Variants in TRIM2 observed in about 807,000 individuals in gnomAD.
TRIM2 encodes tripartite motif-containing protein 2.
A neutral mutation model predicts 75.2 loss-of-function variants in TRIM2; 20 were observed. The observed-to-expected ratio is 0.27, with a 90% CI of 0.19 to 0.39. The LOEUF (loss-of-function observed/expected upper bound fraction) is 0.39, where lower values mean the gene tolerates loss of function less well. Among genes scored for constraint, TRIM2 ranks in the 10% least tolerant of loss-of-function variants. The pLI is 1.00. For synonymous variants in TRIM2, 373 were observed against 388.3 expected (o/e 0.96, Z 0.46); for missense variants, 660 against 990.8 (o/e 0.67, Z 4.48).
chr4:153,315,416 T>A, intron 6 of TRIM2, 69 bp from the exon 7 acceptor site: 1 of 1,280,864 alleles, frequency 7.8e-7, no homozygotes, highest in East Asian at 2.4e-5. Context: ...ATCTGAATTA[T>A]TCTCTTGCTG....
At chr4:153,157,524 C>G (rs1251645232) in intron 1 of TRIM2, among the ~76,000 whole-genome samples, 2 of 152,192 alleles carry the variant, frequency 1.3e-5, no homozygotes, top group African/African-American at 4.8e-5. Flanking sequence ...CTTGGAGGAG[C>G]AGAAGCCACA....
At position 153,315,814 on chromosome 4, in the gene TRIM2, A is replaced by AGG; in HGVS notation, c.1615-18_1615-17insGG. On this transcript the variant is annotated splice_polypyrimidine_tract_variant and intron_variant, in intron 7 of 11. Coordinates refer to ENST00000338700, the MANE Select transcript of TRIM2 (RefSeq NM_015271.5). Reference sequence around the variant, plus strand: ...CCTGTACTAGTTCACATTCCAATGAATGTAATTTATCTTACAGATATTTTC... The same window carrying AGG: ...CCTGTACTAGTTCACATTCCAATGAAGGTGTAATTTATCTTACAGATATTTTC... 1 of 1,614,086 alleles carries AGG rather than the reference A, an allele frequency of 6.2e-7. No homozygotes were observed. The highest frequency in any genetic ancestry group is 8.5e-7 in the Non-Finnish European group (1 of 1,179,952).
chr4:153,185,169 G>A (rs1732470816), intron 1 of TRIM2, among the ~76,000 whole-genome samples: 1 of 152,178 alleles, frequency 6.6e-6, no homozygotes, highest in Admixed American at 6.5e-5. Context: ...AAATGAGTGA[G>A]TGAATGAATG....
chr4:153,313,987 T>C (rs1452103649), intron 6 of TRIM2, among the ~76,000 whole-genome samples: 1 of 152,114 alleles, frequency 6.6e-6, no homozygotes, highest in Non-Finnish European at 1.5e-5. Flanking sequence ...AGAATGGTTC[T>C]CTCTCTCTAT....
intron 6 of TRIM2, among the ~76,000 whole-genome samples, chr4:153,303,083 A>G (rs1431740926): frequency 1.3e-5 from 2 of 152,228 alleles, no homozygotes; most frequent in Admixed American, 6.5e-5. Flanking sequence ...ATGCTAGGCA[A>G]TATCAAACAG....
chr4:153,308,236 C>A (rs1235761841), intron 6 of TRIM2: 1 of 1,528,136 alleles, frequency 6.5e-7, no homozygotes, highest in Admixed American at 1.7e-5. Context: ...GCTCTTCTAC[C>A]CTTTGCCAGG....
At chr4:153,225,090 G>A (rs531936557) in intron 1 of TRIM2, among the ~76,000 whole-genome samples, 73 of 152,282 alleles carry the variant, frequency 4.8e-4, no homozygotes, top group South Asian at 1.7e-3. Context: ...ATAACTCAAC[G>A]GGGTAATATA....
At chr4:153,164,389 T>C (rs1457632298) in intron 1 of TRIM2, among the ~76,000 whole-genome samples, 2 of 152,244 alleles carry the variant, frequency 1.3e-5, no homozygotes, top group African/African-American at 4.8e-5. Context: ...TTCTCCTTAC[T>C]AAAAGAGGCT....
At chr4:153,305,566 T>C (rs1302884484) in intron 6 of TRIM2, among the ~76,000 whole-genome samples, 1 of 152,214 alleles carries the variant, frequency 6.6e-6, no homozygotes, top group African/African-American at 2.4e-5. Context: ...TCCAGAGGCA[T>C]GGTGGCAGCT....
chr4:153,283,854 C>T (rs1332839767), intron 3 of TRIM2, among the ~76,000 whole-genome samples: 5 of 135,646 alleles, frequency 3.7e-5, no homozygotes, highest in African/African-American at 1.4e-4. Flanking sequence ...GCCAGGATGG[C>T]CTTGATCTTT....
At chr4:153,308,691 A>C (rs1409300861) in intron 6 of TRIM2, 5 of 565,924 alleles carry the variant, frequency 8.8e-6, no homozygotes, top group Non-Finnish European at 1.8e-5. Flanking sequence ...TGACTGACCC[A>C]AATGCACTTG....
At chr4:153,282,249 T>C (rs1490762299) in intron 3 of TRIM2, among the ~76,000 whole-genome samples, 1 of 152,182 alleles carries the variant, frequency 6.6e-6, no homozygotes, top group Admixed American at 6.5e-5. Flanking sequence ...ACCAAAGCTG[T>C]CAGAACCGAA....
intron 8 of TRIM2, among the ~76,000 whole-genome samples, chr4:153,319,636 A>G (rs1768482813): frequency 6.6e-6 from 1 of 152,118 alleles, no homozygotes; most frequent in Non-Finnish European, 1.5e-5. Context: ...AGGCTGAGGC[A>G]GGAGGATCAC....
In TRIM2 at chr4:153,280,742, C is replaced by T. The variant is rs568253102; in HGVS notation, c.453+4612C>T. ...CTCTGTTGCCCAGGCTGGAGTGCAG[C>T]GGCACGATCTTGGCTGACTACAAGC... is the stretch of plus-strand genomic sequence containing the variant. On this transcript the variant is annotated intron_variant, in intron 3 of 11. Transcript: ENST00000338700. Among the ~76,000 whole-genome samples, 12 of 151,298 alleles carry T rather than the reference C, an allele frequency of 7.9e-5. No individual in the cohort carries two copies. The East Asian group carries it at 1.9e-3, about 25-fold the overall frequency.
At chr4:153,309,736 G>C (rs1765841366) in intron 6 of TRIM2, 1 of 148,848 alleles carries the variant, frequency 6.7e-6, no homozygotes, top group Admixed American at 6.9e-5. Context: ...CAATTCTCCT[G>C]CCTCGGCCTC....
intron 1 of TRIM2, among the ~76,000 whole-genome samples, chr4:153,209,586 C>T (rs1336019590): frequency 6.6e-6 from 1 of 152,108 alleles, no homozygotes; most frequent in Non-Finnish European, 1.5e-5. Flanking sequence ...AAGTTGGAAC[C>T]GAGGGAATGG....
intron 3 of TRIM2, among the ~76,000 whole-genome samples, chr4:153,283,192 T>G (rs1759756526): frequency 6.6e-6 from 1 of 152,088 alleles, no homozygotes; most frequent in African/African-American, 2.4e-5. Context: ...AAAAAGAAAC[T>G]CCATGCCCTT....
At position 153,336,379 on chromosome 4, in the gene TRIM2, C is replaced by T; in HGVS notation, c.*1413C>T. ...AAAAACAAAAAAAAAACCACACACA[C>T]ACATAAAAAACCCAACAGGTCAAAA... On this transcript the variant is annotated 3_prime_UTR_variant, in exon 12 of 12. Coordinates refer to ENST00000338700, the MANE Select transcript of TRIM2 (RefSeq NM_015271.5). 1.0e-6 allele frequency: 1 copy of T among 981,804 alleles called. No homozygotes were observed. The highest frequency in any genetic ancestry group is 1.2e-6 in the Non-Finnish European group (1 of 828,554). The allele number at this position is 981,804 out of a possible 1,614,324, so 60.8% of individuals were successfully genotyped here. A position where few individuals can be genotyped will look rare whatever the true frequency, so the allele number is the denominator to read the frequency against.
intron 6 of TRIM2, among the ~76,000 whole-genome samples, chr4:153,302,753 T>G (rs762461034): frequency 5.3e-5 from 8 of 152,254 alleles, no homozygotes; most frequent in Non-Finnish European, 1.0e-4. Context: ...TTTCCCAATT[T>G]TATCTTCCCT....
Sources: gnomAD v4.1 joint callset for allele counts (sites outside exome capture counted in the v4.1 genomes callset) on GRCh38, gnomAD v4.1.1 for gene constraint, MANE v1.5 for transcripts, NCBI Gene and HGNC (gene_info 2026-07-23, HGNC 2026-07-21) for gene names.